The following QSOX2 variants were observed in gnomAD, a reference collection of about 807,000 sequenced individuals.
The protein encoded by QSOX2 is quiescin sulfhydryl oxidase 2, also known as sulfhydryl oxidase 2.
QSOX2 carries 46 observed loss-of-function variants against 61.7 expected under a neutral mutation model. The ratio of observed to expected loss-of-function variants is 0.75; its 90% confidence interval spans 0.59 to 0.95. The LOEUF is 0.95. QSOX2 is among the 40% of genes least tolerant of loss of function. The probability of loss-of-function intolerance (pLI) is 0.00; values close to 1 mark genes in which losing one functional copy is unlikely to be tolerated. For missense variants in QSOX2, 879 were observed against 918.9 expected (o/e 0.96, Z 0.56); for synonymous variants, 383 against 388.4 (o/e 0.99, Z 0.16).
At chr9:136,217,979 T>C (rs1054115830) in intron 8 of QSOX2, among the ~76,000 whole-genome samples, 1 of 152,196 alleles carries the variant, frequency 6.6e-6, no homozygotes, top group African/African-American at 2.4e-5. Flanking sequence ...GTGCTCACTA[T>C]AAATTATTCT....
In QSOX2 at chr9:136,215,160, C is replaced by CA; in HGVS notation, c.1353dup (p.Gly452TrpfsTer5). 1 of 1,613,586 alleles carries CA rather than the reference C, an allele frequency of 6.2e-7. No homozygotes were observed. The highest frequency in any genetic ancestry group is 1.7e-4 in the Middle Eastern group (1 of 6,060). Reference sequence around the variant, plus strand: ...CTGTATGGGCACAGCTTACCTGTGCCAACCAGTGCATCTGGGTGGGTCGAG... The same window carrying CA: ...CTGTATGGGCACAGCTTACCTGTGCCAAACCAGTGCATCTGGGTGGGTCGAG... On this transcript the variant is annotated frameshift_variant, in exon 10 of 12. Coordinates refer to ENST00000358701, the MANE Select transcript of QSOX2 (RefSeq NM_181701.4). LOFTEE classifies it high-confidence loss of function.
chr9:136,231,427 G>C (rs1284317589), intron 1 of QSOX2, among the ~76,000 whole-genome samples: 1 of 152,236 alleles, frequency 6.6e-6, no homozygotes, highest in African/African-American at 2.4e-5. Context: ...CGCAGGACAC[G>C]CTGCCTCCTT....
chr9:136,216,705 C>G lies in QSOX2; in HGVS notation c.1104G>C (p.Pro368=), dbSNP rs151337392. The change falls in exon 9 of 12, where the codon CCG becomes CCC. Residue 368 remains proline, a synonymous_variant. Coordinates refer to ENST00000358701, the MANE Select transcript of QSOX2 (RefSeq NM_181701.4). ...TVLAKLFPGR[P]PVKKLLEMLQ... is the part of the protein sequence containing the mutation. The stretch of plus-strand genomic sequence containing the variant: ...GCATCTCCAACAGCTTCTTGACTGG[C>G]GGCCGTCCAGGGAACAGCTGCATGA... The G allele has an allele frequency of 1.1e-5, 17 of 1,613,634 alleles. No individual in the cohort carries two copies. The highest frequency in any genetic ancestry group is 1.4e-5 in the Non-Finnish European group (17 of 1,179,928).
rs1291302769 is a variant in QSOX2, at chr9:136,245,797, C to T, written c.7G>A (p.Ala3Thr). 10 of 1,157,392 alleles carry T rather than the reference C, an allele frequency of 8.6e-6. No homozygotes were observed. The highest frequency in any genetic ancestry group is 1.1e-5 in the Non-Finnish European group (10 of 936,926). 71.7% of individuals were successfully genotyped at this position (1,157,392 alleles called of 1,614,324 possible). The change falls in exon 1 of 12, where the codon GCG (alanine) becomes ACG (threonine). Residue 3 changes from alanine (A) to threonine (T), a missense_variant. Physicochemically the swap from Ala to Thr is moderately conservative, Grantham distance 58. Transcript: ENST00000358701. ...CTGCGCGCCACCGCCGCCCCGGCCG[C>T]CGCCATGTTGGAAGTGCCGCCGGCG... MA[A>T]AGAAVARSPG...
At chr9:136,216,142 C>T (rs1240733029) in intron 9 of QSOX2, among the ~76,000 whole-genome samples, 2 of 152,228 alleles carry the variant, frequency 1.3e-5, no homozygotes, top group African/African-American at 4.8e-5. Flanking sequence ...AGAGAAGCTG[C>T]TGATCTGGAC....
At chr9:136,230,081 C>T (rs2131062891) in intron 1 of QSOX2, among the ~76,000 whole-genome samples, 1 of 151,920 alleles carries the variant, frequency 6.6e-6, no homozygotes, top group Admixed American at 6.6e-5. Flanking sequence ...GAGATAGAGA[C>T]CATCCTGGCC....
In QSOX2 at chr9:136,221,980, G is replaced by C. The variant is rs1830220537; in HGVS notation, c.676-39C>G. 3 of 1,512,456 alleles carry C rather than the reference G, an allele frequency of 2.0e-6. No homozygotes were observed. The highest frequency in any genetic ancestry group is 1.3e-5 in the South Asian group (1 of 75,864). 93.7% of individuals were successfully genotyped at this position (1,512,456 alleles called of 1,614,324 possible). The stretch of plus-strand genomic sequence containing the variant: ...ACACAATGACACTTCCACAGGGGCT[G>C]GCAGTTTCTCAGAAAACACGACGTG... On this transcript the variant is annotated intron_variant, in intron 5 of 11. Coordinates refer to ENST00000358701, the MANE Select transcript of QSOX2 (RefSeq NM_181701.4). This position sits in a 1 kb window ranked among gnomAD's most constrained non-coding sequence, Gnocchi z 4.5.
chr9:136,245,200 GA>G (rs1830461469), intron 1 of QSOX2, among the ~76,000 whole-genome samples: 1 of 152,290 alleles, frequency 6.6e-6, no homozygotes, highest in South Asian at 2.1e-4. Context: ...GGCTGCGGGA[GA>G]ATGGTTTCAT....
chr9:136,231,179 G>A (rs1588638954), intron 1 of QSOX2, among the ~76,000 whole-genome samples: 1 of 152,222 alleles, frequency 6.6e-6, no homozygotes. Flanking sequence ...AGAGGCCGAG[G>A]AAGGCTCCAA....
rs1427718699 is a variant in QSOX2, at chr9:136,209,977, T to C, written c.1550-702A>G. ...CCCTGCGACCCGACTTGCTGACACC[T>C]GGCCACCCTCACAGAGCTTCCAGAA... On this transcript the variant is annotated intron_variant, in intron 11 of 11. Coordinates refer to ENST00000358701, the MANE Select transcript of QSOX2 (RefSeq NM_181701.4). The surrounding 1 kb of genome is among the most constrained non-coding windows in gnomAD (Gnocchi z 5.6). 2.0e-6 allele frequency: 2 copies of C among 985,430 alleles called. No individual in the cohort carries two copies. Among genetic ancestry groups the C allele is most frequent in the South Asian group, 4.7e-5 (1 of 21,288 alleles). The allele number at this position is 985,430 out of a possible 1,614,324, so 61.0% of individuals were successfully genotyped here.
chr9:136,228,264 T>G (rs1224654853), intron 1 of QSOX2, among the ~76,000 whole-genome samples: 3 of 152,196 alleles, frequency 2.0e-5, no homozygotes, highest in Non-Finnish European at 4.4e-5. Context: ...GTGTCATCTC[T>G]CACCGTTTGC....
At chr9:136,225,864 A>C (rs1357884269) in intron 2 of QSOX2, among the ~76,000 whole-genome samples, 1 of 152,260 alleles carries the variant, frequency 6.6e-6, no homozygotes, top group Non-Finnish European at 1.5e-5. Flanking sequence ...TACATACAGC[A>C]CAGTGTGAAC....
intron 1 of QSOX2, among the ~76,000 whole-genome samples, chr9:136,242,650 G>A (rs558682021): frequency 2.6e-5 from 4 of 152,398 alleles, no homozygotes; most frequent in African/African-American, 9.6e-5. Context: ...ACAGCTCCAC[G>A]CAGGGATGAC....
chr9:136,245,133 AG>A (rs1297108706), intron 1 of QSOX2, among the ~76,000 whole-genome samples: 2 of 152,148 alleles, frequency 1.3e-5, no homozygotes, highest in African/African-American at 2.4e-5. Context: ...CTCAAAACAT[AG>A]GTATTTTGAG....
chr9:136,238,531 G>A (rs1361562584), intron 1 of QSOX2, among the ~76,000 whole-genome samples: 1 of 152,110 alleles, frequency 6.6e-6, no homozygotes, highest in South Asian at 2.1e-4. Flanking sequence ...CCTCATTCCC[G>A]CCTCGCAATC....
chr9:136,223,762 C>T lies in QSOX2; in HGVS notation c.675+1G>A. ...ACCTGGAGCCCACGCAGAGGCCGTA[C>T]CTCCCGTCCAAGGTAGGAGCTGTTG... On this transcript the variant is annotated splice_donor_variant, in intron 5 of 11. Coordinates refer to ENST00000358701, the MANE Select transcript of QSOX2 (RefSeq NM_181701.4). LOFTEE classifies it high-confidence loss of function. This position sits in a 1 kb window ranked among gnomAD's most constrained non-coding sequence, Gnocchi z 4.4. The T allele has an allele frequency of 6.2e-7, 1 of 1,613,438 alleles. No homozygotes were observed. Among genetic ancestry groups the T allele is most frequent in the Non-Finnish European group, 8.5e-7 (1 of 1,179,606 alleles).
intron 11 of QSOX2, chr9:136,210,486 G>A (rs1831831659): frequency 1.0e-6 from 1 of 985,356 alleles, no homozygotes; most frequent in South Asian, 4.7e-5. Context: ...AAAGCACAGG[G>A]AGCTCTGTGG....
At chr9:136,213,239 T>TTG (rs1284210132) in intron 10 of QSOX2, among the ~76,000 whole-genome samples, 1 of 136,286 alleles carries the variant, frequency 7.3e-6, no homozygotes, top group South Asian at 2.4e-4. Context: ...AGCAGTTTTG[T>TTG]TGTGTTTTTT....
chr9:136,230,107 C>T (rs1464852876), intron 1 of QSOX2, among the ~76,000 whole-genome samples: 1 of 151,920 alleles, frequency 6.6e-6, no homozygotes, highest in African/African-American at 2.4e-5. Flanking sequence ...GGTAAAACCC[C>T]GTCTCTACTA....
Sources: gnomAD v4.1 joint callset for allele counts (sites outside exome capture counted in the v4.1 genomes callset) on GRCh38, gnomAD v4.1.1 for gene constraint, Gnocchi (gnomAD v3.1) non-coding constraint, MANE v1.5 for transcripts, NCBI Gene and HGNC (gene_info 2026-07-23, HGNC 2026-07-21) for gene names.